The following ASAP1 variants were observed in gnomAD, a reference collection of about 807,000 sequenced individuals.
ASAP1 encodes the protein arf-GAP with SH3 domain, ANK repeat and PH domain-containing protein 1.
ASAP1 carries 43 observed loss-of-function variants against 145.2 expected under a neutral mutation model. That is an observed-to-expected ratio of 0.30 (90% CI 0.23 to 0.38). The LOEUF is 0.38. Among genes scored for constraint, ASAP1 ranks in the 10% least tolerant of loss-of-function variants. The pLI, the probability that ASAP1 is intolerant of heterozygous loss-of-function variation, is 1.00. For synonymous variants in ASAP1, 546 were observed against 515.5 expected (o/e 1.06, Z -0.80); for missense variants, 1,018 against 1,355.3 (o/e 0.75, Z 3.91).
At chr8:130,235,099 T>A (rs920694795) in intron 4 of ASAP1, among the ~76,000 whole-genome samples, 1 of 152,130 alleles carries the variant, frequency 6.6e-6, no homozygotes, top group Non-Finnish European at 1.5e-5. Flanking sequence ...GGAAGTTAAA[T>A]AATATACTTG....
At chr8:130,144,146 T>C (rs1452469039) in intron 13 of ASAP1, among the ~76,000 whole-genome samples, 1 of 152,216 alleles carries the variant, frequency 6.6e-6, no homozygotes. Context: ...CAGGGACATA[T>C]ATTTTTGGCA....
intron 3 of ASAP1, among the ~76,000 whole-genome samples, chr8:130,254,646 T>C (rs1189019452): frequency 5.9e-5 from 9 of 152,032 alleles, no homozygotes; most frequent in African/African-American, 1.4e-4. Context: ...TTTCAGCAAA[T>C]AGTCTGTAAA....
At chr8:130,255,742 G>A (rs148481120) in intron 3 of ASAP1, among the ~76,000 whole-genome samples, 329 of 152,236 alleles carry the variant, frequency 2.2e-3, no homozygotes, top group African/African-American at 7.6e-3. Context: ...AATAATTTAT[G>A]TCCCTAAGTC....
At chr8:130,151,370 C>CAAAGAAAAAA (rs2097645927) in intron 13 of ASAP1, among the ~76,000 whole-genome samples, 1 of 62,820 alleles carries the variant, frequency 1.6e-5, no homozygotes, top group Non-Finnish European at 3.0e-5. Context: ...GACTCAGTCT[C>CAAAGAAAAAA]AAAAAAAAAA....
At chr8:130,231,399 C>T (rs7846662) in intron 4 of ASAP1, among the ~76,000 whole-genome samples, 118,331 of 152,028 alleles carry the variant, frequency 0.78, 46,315 homozygotes, top group Admixed American at 0.86. Flanking sequence ...CATTTTTTTC[C>T]TGCCCAGAAA....
chr8:130,172,587 C>G (rs1265191897), intron 9 of ASAP1, among the ~76,000 whole-genome samples: 1 of 152,056 alleles, frequency 6.6e-6, no homozygotes, highest in East Asian at 1.9e-4. Flanking sequence ...AATTCTGTTC[C>G]TGAAGACTCA....
rs1196584279 is a variant in ASAP1, at chr8:130,300,153, C to CACACAGAGAG, written c.186+57863_186+57864insCTCTCTGTGT. On this transcript the variant is annotated intron_variant, in intron 3 of 29. Transcript: ENST00000518721. The stretch of plus-strand genomic sequence containing the variant: ...ACACACACACACACACACACACACA[C>CACACAGAGAG]AGAGAGAGAGAGAGAGAGAGAGAGA... 3.6e-3 allele frequency among the ~76,000 whole-genome samples: 276 copies of CACACAGAGAG among 76,856 alleles called. 2 individuals are homozygous for CACACAGAGAG. Among genetic ancestry groups the CACACAGAGAG allele is most frequent in the Middle Eastern group, 0.015 (2 of 134 alleles). The allele number at this position is 76,856 out of a possible 152,430, so 50.4% of individuals were successfully genotyped here.
At chr8:130,263,698 G>C (rs1229251686) in intron 3 of ASAP1, among the ~76,000 whole-genome samples, 1 of 152,234 alleles carries the variant, frequency 6.6e-6, no homozygotes, top group African/African-American at 2.4e-5. Context: ...TAAGTAGCAA[G>C]ATCAGGGAAT....
At chr8:130,183,303 G>C (rs1344663516) in intron 7 of ASAP1, among the ~76,000 whole-genome samples, 18 of 151,824 alleles carry the variant, frequency 1.2e-4, no homozygotes, top group Non-Finnish European at 2.6e-4. Context: ...GAAAACAATG[G>C]AACAATGCCT....
In ASAP1 at chr8:130,295,518, T is replaced by C. The variant is rs189423608; in HGVS notation, c.187-58524A>G. Reference sequence around the variant, plus strand: ...GCTGTAAAACAGGGATACGGGATAATAATACCTAGTTATTGTGAGGTTTAT... The same window carrying C: ...GCTGTAAAACAGGGATACGGGATAACAATACCTAGTTATTGTGAGGTTTAT... On this transcript the variant is annotated intron_variant, in intron 3 of 29. Transcript: ENST00000518721. Among the ~76,000 whole-genome samples the C allele has an allele frequency of 1.6e-3, 248 of 152,294 alleles. 1 individual carries two copies. The highest frequency in any genetic ancestry group is 5.8e-3 in the African/African-American group (240 of 41,558).
At chr8:130,162,283 A>G (rs2097670796) in intron 11 of ASAP1, among the ~76,000 whole-genome samples, 1 of 150,106 alleles carries the variant, frequency 6.7e-6, no homozygotes, top group Non-Finnish European at 1.5e-5. Flanking sequence ...AGTCCCTAGT[A>G]ACAACAGTAG....
chr8:130,183,301 TG>T (rs1814495105), intron 7 of ASAP1, among the ~76,000 whole-genome samples: 1 of 151,824 alleles, frequency 6.6e-6, no homozygotes, highest in Non-Finnish European at 1.5e-5. Context: ...TAGAAAACAA[TG>T]GAACAATGCC....
At chr8:130,383,748 C>G (rs1466091589) in intron 2 of ASAP1, among the ~76,000 whole-genome samples, 1 of 152,212 alleles carries the variant, frequency 6.6e-6, no homozygotes, top group African/African-American at 2.4e-5. Flanking sequence ...CCTGACCACA[C>G]CAGTGGCATC....
chr8:130,400,885 T>C (rs1828766104), intron 2 of ASAP1, among the ~76,000 whole-genome samples: 1 of 151,808 alleles, frequency 6.6e-6, no homozygotes, highest in Admixed American at 6.6e-5. Context: ...AATGTAGAAA[T>C]TCTTTTTTTT....
intron 5 of ASAP1, among the ~76,000 whole-genome samples, chr8:130,206,079 G>A (rs1160282236): frequency 6.6e-6 from 1 of 151,642 alleles, no homozygotes; most frequent in Admixed American, 6.6e-5. Context: ...TAAATAGAAG[G>A]AGTTAAAAAT....
chr8:130,292,746 C>T (rs1240026346), intron 3 of ASAP1, among the ~76,000 whole-genome samples: 1 of 152,096 alleles, frequency 6.6e-6, no homozygotes, highest in Non-Finnish European at 1.5e-5. Flanking sequence ...AAGCAAGCTC[C>T]CAACTTCTTG....
chr8:130,177,688 A>G (rs1814060065), intron 9 of ASAP1, among the ~76,000 whole-genome samples: 1 of 152,196 alleles, frequency 6.6e-6, no homozygotes, highest in Admixed American at 6.5e-5. Flanking sequence ...ATAAGGTACA[A>G]TTTACTTTGA....
chr8:130,080,875 C>CA (rs2097478204), intron 25 of ASAP1, among the ~76,000 whole-genome samples: 1 of 152,168 alleles, frequency 6.6e-6, no homozygotes, highest in African/African-American at 2.4e-5. Flanking sequence ...TCCGGTGATC[C>CA]ACCTGCCTCG....
intron 17 of ASAP1, 40 bp downstream of exon 17, chr8:130,125,916 A>G (rs2135723011): frequency 6.4e-7 from 1 of 1,564,532 alleles, no homozygotes; most frequent in East Asian, 2.3e-5. Context: ...ATTACTCATG[A>G]CAATAATATC....
Sources: allele counts gnomAD v4.1 joint callset (sites outside exome capture counted in the v4.1 genomes callset), GRCh38; gene constraint gnomAD v4.1.1; transcripts MANE v1.5; gene names NCBI Gene and HGNC (gene_info 2026-07-23, HGNC 2026-07-21).